Variants in OR51B5 observed in about 807,000 individuals in gnomAD.
OR51B5 encodes the protein olfactory receptor family 51 subfamily B member 5.
For missense variants in OR51B5, 456 were observed against 374.6 expected, an observed-to-expected ratio of 1.22 and a Z score of -1.79; for synonymous variants, 186 against 144.8, an observed-to-expected ratio of 1.28 and a Z score of -2.04.
chr11:5,455,257 TTTC>T (rs1410631048), intron 1 of OR51B5: 1 of 152,098 alleles, frequency 6.6e-6, no homozygotes, highest in East Asian at 1.9e-4. Context: ...AGGGGCACAA[TTTC>T]TATTTCTCTT....
At chr11:5,353,859 A>G (rs1849142009) in intron 1 of OR51B5, among the ~76,000 whole-genome samples, 1 of 152,236 alleles carries the variant, frequency 6.6e-6, no homozygotes. Context: ...TATAAATAAC[A>G]CAGAGAAAAC....
chr11:5,377,997 T>C (rs564513314), intron 1 of OR51B5, among the ~76,000 whole-genome samples: 6 of 151,170 alleles, frequency 4.0e-5, no homozygotes, highest in East Asian at 1.9e-4. Flanking sequence ...GAGCCTGCAT[T>C]GCCAAGTCAA....
intron 1 of OR51B5, among the ~76,000 whole-genome samples, chr11:5,415,958 G>C (rs1052706794): frequency 1.4e-5 from 2 of 145,342 alleles, no homozygotes. Flanking sequence ...CCAAAGCCGG[G>C]CAGAGACACA....
chr11:5,453,708 T>C, intron 1 of OR51B5: 4 of 1,613,012 alleles, frequency 2.5e-6, no homozygotes, highest in Non-Finnish European at 3.4e-6. Flanking sequence ...TGTGGCCATA[T>C]CCATGGCCAC....
At chr11:5,376,257 A>G (rs949551287) in intron 1 of OR51B5, among the ~76,000 whole-genome samples, 11 of 152,192 alleles carry the variant, frequency 7.2e-5, no homozygotes, top group African/African-American at 2.4e-4. Context: ...ATGTTCTTTG[A>G]AACCAATGAG....
chr11:5,357,587 C>G lies in OR51B5; in HGVS notation n.85-10677G>C, dbSNP rs552901881. On this transcript the variant is annotated intron_variant and non_coding_transcript_variant, in intron 1 of 4. Coordinates refer to the OR51B5 transcript ENST00000415970. ...ATCAACATTAGACAGATCAACGAGA[C>G]AGAAAGTTAACAAGGATATCCAGGA... Among the ~76,000 whole-genome samples, 3 of 152,154 alleles carry G rather than the reference C, an allele frequency of 2.0e-5. No homozygotes were observed. The South Asian group carries it at 6.2e-4, about 32-fold the overall frequency.
upstream of OR51B5, among the ~76,000 whole-genome samples, chr11:5,345,553 T>C (rs1589943754): frequency 6.6e-6 from 1 of 152,186 alleles, no homozygotes; most frequent in East Asian, 1.9e-4. Context: ...GGGGGATACA[T>C]ATTCACTTGT....
intron 1 of OR51B5, among the ~76,000 whole-genome samples, chr11:5,429,703 A>G (rs1290104561): frequency 6.6e-6 from 1 of 152,194 alleles, no homozygotes; most frequent in African/African-American, 2.4e-5. Flanking sequence ...ACAGATAAGA[A>G]TAAAAGCACC....
chr11:5,502,104 A>G (rs894772039), intron 1 of OR51B5, among the ~76,000 whole-genome samples: 1 of 152,160 alleles, frequency 6.6e-6, no homozygotes, highest in Admixed American at 6.5e-5. Flanking sequence ...CTTGTCATAC[A>G]CACGTCAGGA....
At chr11:5,426,506 A>C (rs1850452568) in intron 1 of OR51B5, among the ~76,000 whole-genome samples, 1 of 152,278 alleles carries the variant, frequency 6.6e-6, no homozygotes, top group Non-Finnish European at 1.5e-5. Flanking sequence ...TGCTGACCTA[A>C]GTAACTTTGG....
At chr11:5,487,330 T>G (rs1022622275) in intron 1 of OR51B5, among the ~76,000 whole-genome samples, 2 of 152,190 alleles carry the variant, frequency 1.3e-5, no homozygotes, top group African/African-American at 4.8e-5. Flanking sequence ...ATTCCATGAA[T>G]AGTCATCTTT....
chr11:5,414,354 C>A (rs1850201080), intron 1 of OR51B5, among the ~76,000 whole-genome samples: 1 of 140,874 alleles, frequency 7.1e-6, no homozygotes, highest in Non-Finnish European at 1.6e-5. Context: ...ACCATTCAGA[C>A]TAGGAAGAAA....
At chr11:5,417,593 C>A (rs1039497046) in intron 1 of OR51B5, among the ~76,000 whole-genome samples, 17 of 150,964 alleles carry the variant, frequency 1.1e-4, no homozygotes, top group Admixed American at 7.3e-4. Flanking sequence ...AAAAAAAAAC[C>A]CCATCCAAAA....
chr11:5,375,377 T>A (rs4536258), intron 1 of OR51B5, among the ~76,000 whole-genome samples: 10,487 of 140,976 alleles, frequency 0.074, 561 homozygotes, highest in Non-Finnish European at 0.099. Context: ...CACTGCAAAA[T>A]CAGGCCAAAA....
chr11:5,476,210 A>G (rs2133804520), intron 1 of OR51B5, among the ~76,000 whole-genome samples: 1 of 152,338 alleles, frequency 6.6e-6, no homozygotes, highest in Middle Eastern at 3.4e-3. Context: ...ACATTCATGT[A>G]TACTTATTGA....
At chr11:5,441,495 G>C in intron 1 of OR51B5, 1 of 1,611,876 alleles carries the variant, frequency 6.2e-7, no homozygotes, top group Non-Finnish European at 8.5e-7. Flanking sequence ...CTGGAAGGGG[G>C]TGCCATTGAG....
At chr11:5,348,426 A>G (rs538694336), upstream of OR51B5, among the ~76,000 whole-genome samples, 1 of 151,994 alleles carries the variant, frequency 6.6e-6, no homozygotes, top group South Asian at 2.1e-4. Context: ...ATATAGAATC[A>G]ACTCTTCCAA....
rs559248611 is a variant in OR51B5 at position 5,397,945 on chromosome 11, A to G, written n.85-51035T>C. On this transcript the variant is annotated intron_variant and non_coding_transcript_variant, in intron 1 of 4. Coordinates refer to the OR51B5 transcript ENST00000415970. ...AAACCATCATTCTCAGCAAACTATC[A>G]CAAGGACAAAAAGCCAAACACCACA... 4.9e-4 allele frequency among the ~76,000 whole-genome samples: 74 copies of G among 151,604 alleles called. 3 individuals are homozygous for G. In the South Asian group the frequency reaches 0.014, roughly 29 times the overall value.
intron 1 of OR51B5, among the ~76,000 whole-genome samples, chr11:5,408,791 C>T (rs893936023): frequency 6.6e-6 from 1 of 152,184 alleles, no homozygotes; most frequent in African/African-American, 2.4e-5. Flanking sequence ...CTTAATCTCA[C>T]TTTCTGTAGA....
Sources: gnomAD v4.1 joint callset for allele counts (sites outside exome capture counted in the v4.1 genomes callset) on GRCh38, gnomAD v4.1.1 for gene constraint, MANE v1.5 for transcripts, NCBI Gene and HGNC (gene_info 2026-07-23, HGNC 2026-07-21) for gene names.